The following BRMS1 variants were observed in gnomAD, a reference collection of about 807,000 sequenced individuals.
BRMS1 encodes the protein BRMS1 transcriptional repressor and anoikis regulator, also known as breast cancer metastasis-suppressor 1.
A neutral mutation model predicts 40.4 loss-of-function variants in BRMS1; 26 were observed. The ratio of observed to expected loss-of-function variants is 0.64; its 90% confidence interval spans 0.47 to 0.89. BRMS1 has a LOEUF of 0.89. Among genes scored for constraint, BRMS1 ranks in the 40% least tolerant of loss-of-function variants. The probability of loss-of-function intolerance (pLI) is 0.00; values close to 1 mark genes in which losing one functional copy is unlikely to be tolerated. For missense variants in BRMS1, 289 were observed against 309.4 expected, an observed-to-expected ratio of 0.93 and a Z score of 0.49; for synonymous variants, 103 against 116.0, an observed-to-expected ratio of 0.89 and a Z score of 0.72.
chr11:66,338,465 C>G (rs1854987630), intron 8 of BRMS1, 183 bp from the exon 9 acceptor site: 1 of 1,511,602 alleles, frequency 6.6e-7, no homozygotes, highest in Non-Finnish European at 8.8e-7. Context: ...CAGCGGCTCT[C>G]CCGCCTCCCC....
rs551815579 is a variant in BRMS1, at chr11:66,340,736, G to A, written c.535+38C>T. ...AAAGAGGGGTGGGCGTGGACTGAGC[G>A]GGGCCCAGTTCCGGGGTGCCCAGGC... On this transcript the variant is annotated intron_variant, in intron 6 of 9. Coordinates refer to ENST00000359957, the MANE Select transcript of BRMS1 (RefSeq NM_015399.4). 5.6e-5 allele frequency: 87 copies of A among 1,552,006 alleles called. 1 individual carries two copies. The South Asian group carries it at 8.7e-4, about 16-fold the overall frequency.
Position 66,341,647 on chromosome 11 carries a change from C to A in BRMS1, c.140-24G>T. ...CTCTGGGACAAGAGGCCAGTAAGGG[C>A]TAGCTCTGGGGAGGAGTGGTGGGTA... On this transcript the variant is annotated intron_variant, in intron 2 of 9. Transcript: ENST00000359957. This position sits in a 1 kb window ranked among gnomAD's most constrained non-coding sequence, Gnocchi z 4.9. 1 of 1,608,940 alleles carries A rather than the reference C, an allele frequency of 6.2e-7. No homozygotes were observed. Among genetic ancestry groups the A allele is most frequent in the Non-Finnish European group, 8.5e-7 (1 of 1,175,602 alleles).
rs1428124536 is a variant in BRMS1 at position 66,342,077 on chromosome 11, T to A, written c.139+19A>T. 5.6e-6 allele frequency: 9 copies of A among 1,609,898 alleles called. No homozygotes were observed. The highest frequency in any genetic ancestry group is 7.6e-6 in the Non-Finnish European group (9 of 1,178,738). ...GGCTCTGTGTGTGTGTGTGTGTGTC[T>A]GTGTGTGTAGGGGCTCACCGGAGCT... On this transcript the variant is annotated intron_variant, in intron 2 of 9. Transcript: ENST00000359957.
At position 66,341,261 on chromosome 11, in the gene BRMS1, G is replaced by A. The variant is rs768179699; in HGVS notation, c.303C>T (p.Tyr101=). ...EEVGAERAPE[Y]TEPLGGLQRS... Reference sequence around the variant, plus strand: ...GCTGCAGCCCCCCAAGGGGCTCCGTGTATTCAGGGGCTCTCTCAGCCCCCA... The same window carrying A: ...GCTGCAGCCCCCCAAGGGGCTCCGTATATTCAGGGGCTCTCTCAGCCCCCA... Residue 101 remains tyrosine, a synonymous_variant, in exon 4 of 10, where the codon TAC becomes TAT. Coordinates refer to ENST00000359957, the MANE Select transcript of BRMS1 (RefSeq NM_015399.4). The surrounding 1 kb of genome is among the most constrained non-coding windows in gnomAD (Gnocchi z 4.9). The A allele has an allele frequency of 6.2e-7, 1 of 1,613,714 alleles. No individual in the cohort carries two copies. The highest frequency in any genetic ancestry group is 8.5e-7 in the Non-Finnish European group (1 of 1,179,796).
At chr11:66,338,902 G>A in intron 7 of BRMS1, 117 bp from the exon 8 acceptor site, 1 of 1,083,770 alleles carries the variant, frequency 9.2e-7, no homozygotes, top group Non-Finnish European at 1.3e-6. Context: ...CTGAGGACCT[G>A]GGTCCGAGGT....
Position 66,340,989 on chromosome 11 carries a change from T to G in BRMS1, c.416A>C (p.Gln139Pro). The change falls in exon 5 of 10, where the codon CAG (glutamine) becomes CCG (proline). Residue 139 changes from glutamine (Q) to proline (P), a missense_variant. By Grantham distance (76) the Gln-to-Pro change is moderately conservative (BLOSUM62 -1). Coordinates refer to ENST00000359957, the MANE Select transcript of BRMS1 (RefSeq NM_015399.4). ...VIRNKYECEL[Q>P]GAKQHLESEK... ...CACCTCCAGGTGCTGTTTGGCTCCC[T>G]GCAGCTCACATTCGTACTTATTCCT... The G allele has an allele frequency of 6.2e-7, 1 of 1,614,154 alleles. No homozygotes were observed. The highest frequency in any genetic ancestry group is 8.5e-7 in the Non-Finnish European group (1 of 1,180,018).
intron 7 of BRMS1, 79 bp from the exon 8 acceptor site, chr11:66,338,864 G>C: frequency 7.2e-7 from 1 of 1,392,780 alleles, no homozygotes; most frequent in Non-Finnish European, 9.8e-7. Flanking sequence ...TCAGGAGTGG[G>C]GGTACAGCGG....
In BRMS1 at chr11:66,341,939, C is replaced by T. The variant is rs1855092626; in HGVS notation, c.139+157G>A. The T allele has an allele frequency of 6.6e-6, 5 of 761,058 alleles. No individual in the cohort carries two copies. The highest frequency in any genetic ancestry group is 1.7e-5 in the South Asian group (1 of 57,448). The allele number at this position is 761,058 out of a possible 1,614,324, so 47.1% of individuals were successfully genotyped here. ...TGCTTGTGTGTAGGGGCTGTGTGTG[C>T]GTGTGTGCGCTTGTGTGCAGGGTCT... On this transcript the variant is annotated intron_variant, in intron 2 of 9. Transcript: ENST00000359957. This position sits in a 1 kb window ranked among gnomAD's most constrained non-coding sequence, Gnocchi z 4.9.
Position 66,338,251 on chromosome 11 carries a change from T to G in BRMS1, c.725A>C (p.Lys242Thr). The G allele has an allele frequency of 6.2e-7, 1 of 1,611,668 alleles. No individual in the cohort carries two copies. Among genetic ancestry groups the G allele is most frequent in the Non-Finnish European group, 8.5e-7 (1 of 1,178,852 alleles). ...ACAGCCATGGTTCTTACCATCCGAT[T>G]TTCTCTTCTGAGGGGACACAGCTGC... ...ARAAVSPQKR[K>T]SDGP Residue 242 changes from lysine to threonine, a missense_variant, in exon 9 of 10, where the codon AAA becomes ACA. Physicochemically the swap from Lys to Thr is moderately conservative, Grantham distance 78. Transcript: ENST00000359957.
rs56854133 is a variant in BRMS1 at position 66,342,056 on chromosome 11, C to CTGTGTGTG, written c.139+32_139+39dup. ...GTGTGCATGTGTGTGTGTAGGGGCTCTGTGTGTGTGTGTGTGTGTCTGTGT... is the reference window on the plus strand; with the variant it reads ...GTGTGCATGTGTGTGTGTAGGGGCTCTGTGTGTGTGTGTGTGTGTGTGTGTGTCTGTGT... On this transcript the variant is annotated intron_variant, in intron 2 of 9. Coordinates refer to ENST00000359957, the MANE Select transcript of BRMS1 (RefSeq NM_015399.4). 13,353 of 1,475,102 alleles carry CTGTGTGTG rather than the reference C, an allele frequency of 9.1e-3. 68 individuals carry two copies. The highest frequency in any genetic ancestry group is 0.044 in the Admixed American group (2,405 of 54,926). The allele number at this position is 1,475,102 out of a possible 1,614,324, so 91.4% of individuals were successfully genotyped here.
In BRMS1 at chr11:66,341,083, G is replaced by C; in HGVS notation, c.359-37C>G. On this transcript the variant is annotated intron_variant, in intron 4 of 9. Coordinates refer to ENST00000359957, the MANE Select transcript of BRMS1 (RefSeq NM_015399.4). This position sits in a 1 kb window ranked among gnomAD's most constrained non-coding sequence, Gnocchi z 4.9. ...GGGAGGAGGGTCCCTGCTTGGCTGG[G>C]GAGCCCGGTGCCCACATAGGAGGGC... is the stretch of plus-strand genomic sequence containing the variant. The C allele has an allele frequency of 1.2e-6, 2 of 1,612,796 alleles. No homozygotes were observed. The highest frequency in any genetic ancestry group is 1.7e-6 in the Non-Finnish European group (2 of 1,179,594).
At chr11:66,342,725 C>T (rs139923473) in intron 1 of BRMS1, among the ~76,000 whole-genome samples, 20 of 152,326 alleles carry the variant, frequency 1.3e-4, no homozygotes, top group Admixed American at 3.9e-4. Flanking sequence ...GCACCACACC[C>T]AAACTGGACC....
intron 6 of BRMS1, 35 bp from the exon 7 acceptor site, chr11:66,340,248 G>A (rs1242924770): frequency 1.9e-6 from 3 of 1,571,446 alleles, no homozygotes; most frequent in Non-Finnish European, 1.8e-6. Context: ...TTGGGGTGCT[G>A]GCCCACAGGA....
intron 1 of BRMS1, among the ~76,000 whole-genome samples, chr11:66,344,192 TG>T (rs1855151772): frequency 6.6e-6 from 1 of 152,234 alleles, no homozygotes; most frequent in African/African-American, 2.4e-5. Flanking sequence ...CTGGTTCACT[TG>T]ATGACTGGAG....
chr11:66,340,297 G>C (rs912614283), intron 6 of BRMS1, 84 bp from the exon 7 acceptor site: 4 of 1,259,856 alleles, frequency 3.2e-6, no homozygotes, highest in East Asian at 2.4e-5. Context: ...ACCATGGGCC[G>C]GCCTGGCCTC....
At chr11:66,338,856 A>C in intron 7 of BRMS1, 71 bp from the exon 8 acceptor site, 1 of 1,435,482 alleles carries the variant, frequency 7.0e-7, no homozygotes, top group Non-Finnish European at 9.4e-7. Context: ...CCTGACATTC[A>C]GGAGTGGGGG....
chr11:66,337,420 G>A lies in BRMS1; in HGVS notation c.*462C>T. On this transcript the variant is annotated 3_prime_UTR_variant, in exon 10 of 10. Coordinates refer to ENST00000359957, the MANE Select transcript of BRMS1 (RefSeq NM_015399.4). Reference sequence around the variant, plus strand: ...TGCCCTGAGAACACCTGGGGGGCCTGGCATCTTGCCTCCAGATCCAGCCAG... The same window carrying A: ...TGCCCTGAGAACACCTGGGGGGCCTAGCATCTTGCCTCCAGATCCAGCCAG... The A allele has an allele frequency of 2.0e-6, 1 of 500,944 alleles. No individual in the cohort carries two copies. The highest frequency in any genetic ancestry group is 3.5e-5 in the South Asian group (1 of 28,478). 31.0% of individuals were successfully genotyped at this position (500,944 alleles called of 1,614,324 possible). A position where few individuals can be genotyped will look rare whatever the true frequency, so the allele number is the denominator to read the frequency against.
intron 1 of BRMS1, among the ~76,000 whole-genome samples, chr11:66,343,374 A>G (rs953996269): frequency 6.6e-6 from 1 of 152,220 alleles, no homozygotes; most frequent in African/African-American, 2.4e-5. Context: ...AACATATGCT[A>G]GGTACCGTCA....
chr11:66,340,736 G>C (rs551815579), intron 6 of BRMS1, 38 bp downstream of exon 6: 1 of 1,552,006 alleles, frequency 6.4e-7, no homozygotes. Context: ...TGGACTGAGC[G>C]GGGCCCAGTT....
Sources: gnomAD v4.1 joint callset for allele counts (sites outside exome capture counted in the v4.1 genomes callset) on GRCh38, gnomAD v4.1.1 for gene constraint, Gnocchi (gnomAD v3.1) non-coding constraint, MANE v1.5 for transcripts, NCBI Gene and HGNC (gene_info 2026-07-23, HGNC 2026-07-21) for gene names.